XIRP2: variants seen among roughly 807,000 people sequenced by gnomAD.
XIRP2 encodes the protein xin actin-binding repeat-containing protein 2.
A neutral mutation model predicts 277.0 loss-of-function variants in XIRP2; 236 were observed. The ratio of observed to expected loss-of-function variants is 0.85; its 90% confidence interval spans 0.77 to 0.95. XIRP2 has a LOEUF of 0.95. Ranked by LOEUF, XIRP2 falls within the 40% of genes least tolerant of loss-of-function variation. XIRP2 has a pLI of 0.00. For missense variants in XIRP2, 4,640 were observed against 4,157.5 expected, an observed-to-expected ratio of 1.12 and a Z score of -3.19; for synonymous variants, 1,490 against 1,416.5, an observed-to-expected ratio of 1.05 and a Z score of -1.17.
At chr2:167,124,266 G>GT (rs565081438) in intron 2 of XIRP2, 33 of 152,232 alleles carry the variant, frequency 2.2e-4, no homozygotes, top group African/African-American at 7.7e-4. Flanking sequence ...TTTTAGAAAA[G>GT]TTTAGATGCT....
chr2:166,890,951 G>T (rs1009804625), intron 1 of XIRP2, among the ~76,000 whole-genome samples: 4 of 152,112 alleles, frequency 2.6e-5, no homozygotes, highest in African/African-American at 9.7e-5. Flanking sequence ...ACAAACAGGG[G>T]TTATGGTTGA....
rs369504507 is a variant in XIRP2, at chr2:167,218,176, A to C, written c.734A>C (p.Glu245Ala). 1.9e-6 allele frequency: 3 copies of C among 1,593,654 alleles called. No individual in the cohort carries two copies. The highest frequency in any genetic ancestry group is 3.4e-4 in the Middle Eastern group (2 of 5,956). ...CTTAAATCATCCTAGATGATGGAAGAATCAGAAATGTGCGCAGTGCCTGGT... is the reference window on the plus strand; with the variant it reads ...CTTAAATCATCCTAGATGATGGAAGCATCAGAAATGTGCGCAGTGCCTGGT... ...CRSFSANMME[E>A]SEMCAVPGGL... Residue 245 changes from glutamate (E) to alanine (A), a missense_variant, in exon 5 of 11, where the codon GAA becomes GCA. Transcript: ENST00000409195.
chr2:166,939,679 C>CAAAAAAAAAAAAAAA (rs138977006), intron 2 of XIRP2, among the ~76,000 whole-genome samples: 44 of 90,592 alleles, frequency 4.9e-4, no homozygotes, highest in East Asian at 5.8e-4. Context: ...GACTCCATCA[C>CAAAAAAAAAAAAAAA]AAAAAAAAAA....
At chr2:167,024,291 G>A (rs553135509) in intron 2 of XIRP2, among the ~76,000 whole-genome samples, 1 of 152,178 alleles carries the variant, frequency 6.6e-6, no homozygotes, top group South Asian at 2.1e-4. Context: ...TGTGATTTTT[G>A]TACATTGATT....
intron 3 of XIRP2, among the ~76,000 whole-genome samples, chr2:167,177,156 T>G (rs554242420): frequency 6.6e-6 from 1 of 152,350 alleles, no homozygotes; most frequent in East Asian, 1.9e-4. Context: ...ATAGCTCAGC[T>G]GTTTTTGTTT....
In XIRP2 at chr2:167,251,084, G is replaced by A; in HGVS notation, c.9692G>A (p.Gly3231Asp). 1 of 1,613,616 alleles carries A rather than the reference G, an allele frequency of 6.2e-7. No individual in the cohort carries two copies. The highest frequency in any genetic ancestry group is 2.2e-5 in the East Asian group (1 of 44,832). Residue 3231 changes from glycine to aspartate, a missense_variant, in exon 9 of 11, where the codon GGT becomes GAT. Coordinates refer to ENST00000409195, the MANE Select transcript of XIRP2 (RefSeq NM_152381.6). ...CGTCAAATTAAGATAGAAACTCGTG[G>A]TAGGGACTCTCCACCTACAATCACA... The part of the protein sequence containing the change: ...LRRQIKIETR[G>D]RDSPPTITIP...
chr2:166,907,599 A>T (rs991718454), intron 2 of XIRP2, among the ~76,000 whole-genome samples: 1 of 151,080 alleles, frequency 6.6e-6, no homozygotes, highest in African/African-American at 2.4e-5. Context: ...AGATGTATGG[A>T]CAGGTCATAG....
At chr2:166,915,988 G>C (rs1303930540) in intron 2 of XIRP2, among the ~76,000 whole-genome samples, 1 of 152,130 alleles carries the variant, frequency 6.6e-6, no homozygotes, top group Non-Finnish European at 1.5e-5. Flanking sequence ...ATAATTGGAG[G>C]CATGGAGAAA....
At chr2:166,975,537 CA>C (rs564411476) in intron 2 of XIRP2, among the ~76,000 whole-genome samples, 36 of 152,026 alleles carry the variant, frequency 2.4e-4, no homozygotes, top group African/African-American at 7.0e-4. Flanking sequence ...ATTTGGGGGA[CA>C]AAGATAAATT....
At chr2:166,981,898 G>A (rs1686879540) in intron 2 of XIRP2, among the ~76,000 whole-genome samples, 1 of 152,244 alleles carries the variant, frequency 6.6e-6, no homozygotes, top group South Asian at 2.1e-4. Flanking sequence ...CTTTAAATAA[G>A]ATGAAAACAT....
At chr2:167,222,051 G>T (rs1259004262) in intron 5 of XIRP2, among the ~76,000 whole-genome samples, 1 of 152,146 alleles carries the variant, frequency 6.6e-6, no homozygotes, top group East Asian at 1.9e-4. Context: ...TCAGCAATTG[G>T]CCTAAACAAA....
chr2:167,153,132 T>C (rs1692064799), intron 3 of XIRP2, among the ~76,000 whole-genome samples: 1 of 152,084 alleles, frequency 6.6e-6, no homozygotes, highest in Admixed American at 6.6e-5. Context: ...ATTGATTAAT[T>C]TTACCACAAC....
At chr2:167,028,422 C>G (rs1688235108) in intron 2 of XIRP2, among the ~76,000 whole-genome samples, 1 of 151,990 alleles carries the variant, frequency 6.6e-6, no homozygotes, top group South Asian at 2.1e-4. Flanking sequence ...GCCTGGTAAT[C>G]CAAGGAATTC....
At chr2:166,966,856 G>A (rs1044877352) in intron 2 of XIRP2, among the ~76,000 whole-genome samples, 6 of 151,984 alleles carry the variant, frequency 3.9e-5, no homozygotes, top group African/African-American at 1.4e-4. Flanking sequence ...ATATATCTTA[G>A]CACCTTGCTA....
intron 2 of XIRP2, among the ~76,000 whole-genome samples, chr2:167,075,257 G>A (rs1188525466): frequency 6.6e-6 from 1 of 152,170 alleles, no homozygotes; most frequent in East Asian, 1.9e-4. Flanking sequence ...GACACGGAGA[G>A]ATAGAGGGAG....
At chr2:166,934,954 C>A (rs1384318084) in intron 2 of XIRP2, among the ~76,000 whole-genome samples, 1 of 151,934 alleles carries the variant, frequency 6.6e-6, no homozygotes, top group African/African-American at 2.4e-5. Flanking sequence ...TGGCTTGAAC[C>A]CAGGAGGTGG....
At chr2:167,084,363 T>C (rs1318624355) in intron 2 of XIRP2, among the ~76,000 whole-genome samples, 1 of 152,044 alleles carries the variant, frequency 6.6e-6, no homozygotes, top group African/African-American at 2.4e-5. Flanking sequence ...TTGAGGATTT[T>C]TGCATCAATG....
chr2:167,124,643 GA>G (rs1691149236), intron 2 of XIRP2: 1 of 152,208 alleles, frequency 6.6e-6, no homozygotes, highest in African/African-American at 2.4e-5. Context: ...AAAGTGACTA[GA>G]GTACGAAGCA....
intron 4 of XIRP2, among the ~76,000 whole-genome samples, chr2:167,217,254 G>A (rs10460350): frequency 1.3e-5 from 2 of 148,224 alleles, no homozygotes; most frequent in African/African-American, 2.5e-5. Context: ...TGCGCAATGT[G>A]CACATGTACC....
Sources: allele counts gnomAD v4.1 joint callset (sites outside exome capture counted in the v4.1 genomes callset), GRCh38; gene constraint gnomAD v4.1.1; transcripts MANE v1.5; gene names NCBI Gene and HGNC (gene_info 2026-07-23, HGNC 2026-07-21).